Variants in TPCN1 observed in about 807,000 individuals in gnomAD.
TPCN1 encodes two pore channel protein 1.
In TPCN1, 52 loss-of-function variants were observed where a neutral mutation model predicts 108.8. The ratio of observed to expected loss-of-function variants is 0.48; its 90% CI spans 0.38 to 0.60. TPCN1 has a LOEUF of 0.60. Ranked by LOEUF, TPCN1 falls within the 20% of genes least tolerant of loss-of-function variation. The pLI is 0.00. For synonymous variants in TPCN1, 446 were observed against 433.7 expected (o/e 1.03, Z -0.35); for missense variants, 806 against 1,072.8 (o/e 0.75, Z 3.47).
chr12:113,274,046 A>C (rs941582039), intron 10 of TPCN1, among the ~76,000 whole-genome samples: 7 of 152,234 alleles, frequency 4.6e-5, no homozygotes, highest in Non-Finnish European at 1.0e-4. Flanking sequence ...CAAGTCCCTT[A>C]TATAAAATGG....
At chr12:113,276,362 A>G (rs1250845499) in intron 10 of TPCN1, among the ~76,000 whole-genome samples, 4 of 152,012 alleles carry the variant, frequency 2.6e-5, no homozygotes, top group Non-Finnish European at 5.9e-5. Flanking sequence ...GTATTAGCCA[A>G]CTCTAGAACG....
At chr12:113,285,648 T>C (rs1310885073) in intron 17 of TPCN1, among the ~76,000 whole-genome samples, 1 of 152,252 alleles carries the variant, frequency 6.6e-6, no homozygotes, top group Non-Finnish European at 1.5e-5. Flanking sequence ...AGTGCTGGGA[T>C]GATAGGTGTG....
chr12:113,283,039 T>C (rs1593193074), intron 15 of TPCN1, among the ~76,000 whole-genome samples: 2 of 152,220 alleles, frequency 1.3e-5, no homozygotes, highest in Non-Finnish European at 2.9e-5. Flanking sequence ...ATGGTGCCAC[T>C]GCACTCCAAC....
At chr12:113,264,756 T>A (rs1041063380) in intron 3 of TPCN1, among the ~76,000 whole-genome samples, 1 of 152,214 alleles carries the variant, frequency 6.6e-6, no homozygotes, top group African/African-American at 2.4e-5. Context: ...TATACAATTA[T>A]TATTTGTCAA....
intron 3 of TPCN1, among the ~76,000 whole-genome samples, chr12:113,264,255 C>T (rs375934497): frequency 2.6e-5 from 4 of 152,120 alleles, no homozygotes; most frequent in Admixed American, 6.5e-5. Flanking sequence ...CTGCCCCTGC[C>T]GGGTTTGCTG....
chr12:113,283,071 C>T (rs1416833772), intron 15 of TPCN1, among the ~76,000 whole-genome samples: 4 of 151,788 alleles, frequency 2.6e-5, no homozygotes, highest in Non-Finnish European at 4.4e-5. Flanking sequence ...AGTGAGACTC[C>T]ATCTCAAGAA....
At chr12:113,291,838 C>T (rs1231771724) in intron 24 of TPCN1, 36 bp from the exon 25 acceptor site, 5 of 1,542,496 alleles carry the variant, frequency 3.2e-6, no homozygotes, top group Non-Finnish European at 4.5e-6. Flanking sequence ...CACCCTCCTC[C>T]CCTGCCTCTG....
At chr12:113,244,892 G>A in intron 2 of TPCN1, 2 of 390,922 alleles carry the variant, frequency 5.1e-6, no homozygotes, top group Non-Finnish European at 7.0e-6. Flanking sequence ...GGTGTCCAGG[G>A]TTCTGTTTCG....
chr12:113,293,113 T>G lies in TPCN1; in HGVS notation c.2253+40T>G, dbSNP rs752155388. ...CCCTGGTCCGAAGGAGGGAGGCAGG[T>G]TTCAGTGTGGGTGGCATAATCCCTT... On this transcript the variant is annotated intron_variant, in intron 26 of 27. Coordinates refer to ENST00000335509, the MANE Select transcript of TPCN1 (RefSeq NM_017901.6). 3.7e-6 allele frequency: 6 copies of G among 1,602,844 alleles called. No homozygotes were observed. In the East Asian group the frequency reaches 1.3e-4, roughly 36 times the overall value.
chr12:113,235,041 A>G (rs985285944), intron 2 of TPCN1, among the ~76,000 whole-genome samples: 3 of 152,172 alleles, frequency 2.0e-5, no homozygotes, highest in African/African-American at 7.2e-5. Flanking sequence ...CAAAACCAAC[A>G]ACAAACTCTC....
chr12:113,272,782 G>A lies in TPCN1; in HGVS notation c.783+90G>A. Reference sequence around the variant, plus strand: ...CCGGCGTGACCCTGTGGCCATATGGGGAAGGGGGGGCCTGCCTGGTTTCTC... The same window carrying A: ...CCGGCGTGACCCTGTGGCCATATGGAGAAGGGGGGGCCTGCCTGGTTTCTC... On this transcript the variant is annotated intron_variant, in intron 8 of 27. Coordinates refer to ENST00000335509, the MANE Select transcript of TPCN1 (RefSeq NM_017901.6). The surrounding 1 kb of genome is among the most constrained non-coding windows in gnomAD (Gnocchi z 4.1). The A allele has an allele frequency of 7.7e-7, 1 of 1,302,998 alleles. No homozygotes were observed. 80.7% of individuals were successfully genotyped at this position (1,302,998 alleles called of 1,614,324 possible).
At chr12:113,291,494 C>A in intron 23 of TPCN1, 115 bp from the exon 24 acceptor site, 1 of 876,264 alleles carries the variant, frequency 1.1e-6, no homozygotes, top group Non-Finnish European at 1.8e-6. Flanking sequence ...TCTCTCACAA[C>A]CAGCCACAAA....
Position 113,260,620 on chromosome 12 carries a change from G to A in TPCN1, c.237+128G>A, listed in dbSNP as rs180706894. ...TCATGCTGCTGCTGCTCGTGTGTGA[G>A]CTTCAGGTTCATAAGATGGGCTGAC... is the stretch of plus-strand genomic sequence containing the variant. On this transcript the variant is annotated intron_variant, in intron 3 of 27. Coordinates refer to ENST00000335509, the MANE Select transcript of TPCN1 (RefSeq NM_017901.6). The A allele has an allele frequency of 5.1e-5, 63 of 1,242,252 alleles. No homozygotes were observed. In the African/African-American group the frequency reaches 9.6e-4, roughly 19 times the overall value. 77.0% of individuals were successfully genotyped at this position (1,242,252 alleles called of 1,614,324 possible).
intron 13 of TPCN1, 112 bp downstream of exon 13, chr12:113,278,349 C>T: frequency 1.0e-6 from 1 of 995,418 alleles, no homozygotes; most frequent in Non-Finnish European, 1.6e-6. Flanking sequence ...AGCAGCTCAG[C>T]CCCCAGCTTG....
intron 2 of TPCN1, among the ~76,000 whole-genome samples, chr12:113,239,537 T>G (rs1355959615): frequency 6.6e-6 from 1 of 152,104 alleles, no homozygotes; most frequent in Non-Finnish European, 1.5e-5. Flanking sequence ...TATCTGGGAG[T>G]GAGTCACCGG....
chr12:113,290,104 C>T (rs1428653213), intron 21 of TPCN1, 24 bp from the exon 22 acceptor site: 1 of 1,503,092 alleles, frequency 6.7e-7, no homozygotes, highest in African/African-American at 1.4e-5. Flanking sequence ...ACCCTCCCTC[C>T]TTTCTCCCTT....
chr12:113,291,889 A>G lies in TPCN1; in HGVS notation c.2044A>G (p.Ile682Val). 1.2e-6 allele frequency: 2 copies of G among 1,611,902 alleles called. No homozygotes were observed. Among genetic ancestry groups the G allele is most frequent in the Non-Finnish European group, 1.7e-6 (2 of 1,179,670 alleles). The change falls in exon 25 of 28, where the codon ATT (isoleucine) becomes GTT (valine). Residue 682 changes from isoleucine to valine, a missense_variant. Coordinates refer to ENST00000335509, the MANE Select transcript of TPCN1 (RefSeq NM_017901.6). ...YIVTMVVMTIIVAFILEAFVF... is the reference protein window; with the variant it reads ...YIVTMVVMTIVVAFILEAFVF... Reference sequence around the variant, plus strand: ...CCCTGGCCAGGTGGTGATGACGATCATTGTCGCCTTTATCCTCGAGGCCTT... The same window carrying G: ...CCCTGGCCAGGTGGTGATGACGATCGTTGTCGCCTTTATCCTCGAGGCCTT...
At position 113,278,233 on chromosome 12, in the gene TPCN1, G is replaced by A. The variant is rs2136678388; in HGVS notation, c.1229G>A (p.Trp410Ter). Reference sequence around the variant, plus strand: ...ATCTACGAAGTTGCTGCTTTGAAGTGGAAGGTGAGTTCTTCTCTGAGACCA... The same window carrying A: ...ATCTACGAAGTTGCTGCTTTGAAGTAGAAGGTGAGTTCTTCTCTGAGACCA... Reference protein sequence around the residue: ...YDIYEVAALKWKAKKNREHWF... With the variant: ...YDIYEVAALK Residue 410 changes from tryptophan (W) to a stop codon, truncating the protein, a stop_gained, in exon 13 of 28, where the codon TGG (tryptophan) becomes TAG (stop). Transcript: ENST00000335509. LOFTEE classifies it high-confidence loss of function. 1 of 1,613,784 alleles carries A rather than the reference G, an allele frequency of 6.2e-7. No homozygotes were observed. Among genetic ancestry groups the A allele is most frequent in the Non-Finnish European group, 8.5e-7 (1 of 1,179,804 alleles).
rs751108124 is a variant in TPCN1, at chr12:113,226,835, G to A, written c.-18G>A. On this transcript the variant is annotated 5_prime_UTR_variant, in exon 2 of 28. Coordinates refer to ENST00000335509, the MANE Select transcript of TPCN1 (RefSeq NM_017901.6). ...AAGCCCTGGATATCATATCCTGAGG[G>A]CCACAGGAGAAGAGAACATGGCTGT... The A allele has an allele frequency of 1.4e-5, 23 of 1,614,026 alleles. No individual in the cohort carries two copies. Among genetic ancestry groups the A allele is most frequent in the Non-Finnish European group, 1.9e-5 (23 of 1,180,018 alleles).
Sources: gnomAD v4.1 joint callset for allele counts (sites outside exome capture counted in the v4.1 genomes callset) on GRCh38, gnomAD v4.1.1 for gene constraint, Gnocchi (gnomAD v3.1) non-coding constraint, MANE v1.5 for transcripts, NCBI Gene and HGNC (gene_info 2026-07-23, HGNC 2026-07-21) for gene names.